RAD51C: variants seen among roughly 807,000 people sequenced by gnomAD.
RAD51C encodes DNA repair protein RAD51 homolog 3.
In RAD51C, 42 loss-of-function variants were observed where a neutral mutation model predicts 45.0. The observed-to-expected ratio is 0.93, with a 90% CI of 0.73 to 1.21. The LOEUF (loss-of-function observed/expected upper bound fraction) is 1.21. Ranked by LOEUF, RAD51C falls within the 50% of genes most tolerant of loss-of-function variation. The pLI is 0.00. For missense variants in RAD51C, 474 were observed against 452.2 expected (o/e 1.05, Z -0.44); for synonymous variants, 172 against 159.8 (o/e 1.08, Z -0.58).
chr17:58,726,147 A>G (rs2049115187), intron 7 of RAD51C, among the ~76,000 whole-genome samples: 1 of 151,520 alleles, frequency 6.6e-6, no homozygotes, highest in Admixed American at 6.6e-5. Flanking sequence ...TATTTTTCAT[A>G]CTCTCATTTT....
chr17:58,725,259 G>A (rs1235173601), intron 7 of RAD51C, among the ~76,000 whole-genome samples: 1 of 151,934 alleles, frequency 6.6e-6, no homozygotes, highest in Non-Finnish European at 1.5e-5. Flanking sequence ...GTTCCTCCTA[G>A]TTTTGTAAGT....
chr17:58,715,176 G>T (rs1046234679), intron 5 of RAD51C, among the ~76,000 whole-genome samples: 1 of 151,670 alleles, frequency 6.6e-6, no homozygotes, highest in Admixed American at 6.6e-5. Flanking sequence ...TTTCAGCTGG[G>T]TGCAATAGCT....
chr17:58,700,472 T>G (rs1458202989), intron 3 of RAD51C, among the ~76,000 whole-genome samples: 1 of 152,170 alleles, frequency 6.6e-6, no homozygotes, highest in Non-Finnish European at 1.5e-5. Flanking sequence ...AGATGGGGTC[T>G]CAGTCCATCA....
chr17:58,726,666 A>G (rs117354796), intron 7 of RAD51C, among the ~76,000 whole-genome samples: 153 of 150,652 alleles, frequency 1.0e-3, no homozygotes, highest in East Asian at 8.6e-3. Context: ...ATGTATATAC[A>G]TATACGTATG....
chr17:58,728,031 T>A (rs1345437435), intron 7 of RAD51C, among the ~76,000 whole-genome samples: 1 of 150,978 alleles, frequency 6.6e-6, no homozygotes, highest in Non-Finnish European at 1.5e-5. Context: ...TCACCTGAGG[T>A]TGGGAGTTCT....
chr17:58,723,488 T>A (rs1598509458), intron 6 of RAD51C, among the ~76,000 whole-genome samples: 2 of 151,988 alleles, frequency 1.3e-5, no homozygotes, highest in South Asian at 4.2e-4. Context: ...CTATCCTGAA[T>A]TTTGTGTAAT....
intron 7 of RAD51C, among the ~76,000 whole-genome samples, chr17:58,726,099 C>T (rs369044578): frequency 6.6e-6 from 1 of 150,830 alleles, no homozygotes; most frequent in South Asian, 2.1e-4. Flanking sequence ...TTCTACATCT[C>T]ATAAGATCAT....
At chr17:58,700,543 C>T (rs1279852315) in intron 3 of RAD51C, among the ~76,000 whole-genome samples, 4 of 151,820 alleles carry the variant, frequency 2.6e-5, no homozygotes, top group South Asian at 2.1e-4. Flanking sequence ...CCTGGGTTCA[C>T]GCCATTCTCC....
At chr17:58,723,547 GCTTATTTCT>G in intron 6 of RAD51C, among the ~76,000 whole-genome samples, 1 of 151,460 alleles carries the variant, frequency 6.6e-6, no homozygotes, top group Admixed American at 6.6e-5. Context: ...CCTAATAGTT[GCTTATTTCT>G]AGCCTTTATA....
chr17:58,698,546 C>T (rs2048101105), intron 3 of RAD51C, among the ~76,000 whole-genome samples: 1 of 151,158 alleles, frequency 6.6e-6, no homozygotes, highest in African/African-American at 2.4e-5. Flanking sequence ...CAAGTCAGGT[C>T]TTGAACTCCT....
chr17:58,705,050 G>T (rs921810295), intron 4 of RAD51C, among the ~76,000 whole-genome samples: 5 of 151,794 alleles, frequency 3.3e-5, no homozygotes, highest in African/African-American at 1.2e-4. Context: ...AGAATCGCTT[G>T]AACCTGGGAA....
chr17:58,714,487 C>T (rs1232653992), intron 5 of RAD51C, among the ~76,000 whole-genome samples: 1 of 152,138 alleles, frequency 6.6e-6, no homozygotes. Context: ...GAGACGGAGT[C>T]TCGCTCTGTC....
intron 2 of RAD51C, among the ~76,000 whole-genome samples, chr17:58,696,158 C>T (rs897598412): frequency 2.6e-5 from 4 of 151,446 alleles, no homozygotes; most frequent in Non-Finnish European, 5.9e-5. Context: ...ATTGGCTGGG[C>T]GCAGTGGCTG....
At chr17:58,703,064 A>T (rs992417028) in intron 3 of RAD51C, 132 bp from the exon 4 acceptor site, 14 of 977,690 alleles carry the variant, frequency 1.4e-5, no homozygotes, top group African/African-American at 3.3e-5. Flanking sequence ...ATTTTGCTAT[A>T]ATTTGTCATC....
At position 58,734,238 on chromosome 17, in the gene RAD51C, C is replaced by T; in HGVS notation, c.*16C>T. On this transcript the variant is annotated 3_prime_UTR_variant, in exon 9 of 9. Transcript: ENST00000337432. The stretch of plus-strand genomic sequence containing the variant: ...AGAATTATAACCCAGAAACAAATCT[C>T]AAAGTGTACAAATTTATTGATGTTG... 6.2e-7 allele frequency: 1 copy of T among 1,602,558 alleles called. No individual in the cohort carries two copies. The highest frequency in any genetic ancestry group is 8.5e-7 in the Non-Finnish European group (1 of 1,172,778).
intron 3 of RAD51C, among the ~76,000 whole-genome samples, chr17:58,701,630 G>A (rs1208766580): frequency 6.6e-6 from 1 of 150,906 alleles, no homozygotes; most frequent in African/African-American, 2.4e-5. Flanking sequence ...GAGTGCAGTG[G>A]CGGGATCTCA....
chr17:58,693,758 G>A (rs1049801338), intron 1 of RAD51C: 2 of 151,900 alleles, frequency 1.3e-5, no homozygotes, highest in African/African-American at 4.8e-5. Context: ...TTTTATAGAC[G>A]AAAAAAATCT....
At chr17:58,733,992 A>C (rs964074060) in intron 8 of RAD51C, 126 bp from the exon 9 acceptor site, 1 of 1,414,204 alleles carries the variant, frequency 7.1e-7, no homozygotes, top group Admixed American at 2.2e-5. Flanking sequence ...CTGGGATTAC[A>C]GGTGTGAGCC....
intron 7 of RAD51C, among the ~76,000 whole-genome samples, chr17:58,729,974 G>A (rs2049347574): frequency 6.6e-6 from 1 of 152,062 alleles, no homozygotes; most frequent in Non-Finnish European, 1.5e-5. Context: ...TGGACATACT[G>A]TTGATATGAG....
Sources: gnomAD v4.1 joint callset for allele counts (sites outside exome capture counted in the v4.1 genomes callset) on GRCh38, gnomAD v4.1.1 for gene constraint, MANE v1.5 for transcripts, NCBI Gene and HGNC (gene_info 2026-07-23, HGNC 2026-07-21) for gene names.